ENPP2: variants seen among roughly 807,000 people sequenced by gnomAD.
The protein encoded by ENPP2 is autotaxin.
Under a neutral mutation model 120.2 loss-of-function variants are expected in ENPP2, and 51 were observed. The observed-to-expected ratio is 0.42, with a 90% CI of 0.34 to 0.54. The LOEUF (loss-of-function observed/expected upper bound fraction) is 0.54. Ranked by LOEUF, ENPP2 falls within the 20% of genes least tolerant of loss-of-function variation. The probability of loss-of-function intolerance (pLI) is 0.04; values close to 1 mark genes in which losing one functional copy is unlikely to be tolerated. For synonymous variants in ENPP2, 365 were observed against 366.4 expected (o/e 1.00, Z 0.04); for missense variants, 920 against 1,066.5 (o/e 0.86, Z 1.91).
intron 1 of ENPP2, among the ~76,000 whole-genome samples, chr8:119,661,094 C>T (rs900374834): frequency 1.3e-5 from 2 of 152,094 alleles, no homozygotes; most frequent in African/African-American, 4.8e-5. Context: ...CATGTTCTCA[C>T]TCCTAAATGA....
At chr8:119,661,474 C>A (rs1441066602) in intron 1 of ENPP2, among the ~76,000 whole-genome samples, 1 of 152,082 alleles carries the variant, frequency 6.6e-6, no homozygotes, top group Non-Finnish European at 1.5e-5. Flanking sequence ...TCACCTCGGA[C>A]CTGTTAGAAT....
chr8:119,645,122 A>G (rs978287935), intron 1 of ENPP2, among the ~76,000 whole-genome samples: 7 of 152,154 alleles, frequency 4.6e-5, no homozygotes, highest in Non-Finnish European at 1.0e-4. Context: ...AAAGAAATGG[A>G]GGTTCGAAGA....
At chr8:119,650,038 G>A (rs888706175) in intron 1 of ENPP2, among the ~76,000 whole-genome samples, 1 of 152,126 alleles carries the variant, frequency 6.6e-6, no homozygotes, top group African/African-American at 2.4e-5. Flanking sequence ...ATATACCCAA[G>A]AGGAAGTAAA....
intron 1 of ENPP2, among the ~76,000 whole-genome samples, chr8:119,656,457 A>G (rs911301065): frequency 9.2e-5 from 14 of 152,156 alleles, no homozygotes; most frequent in African/African-American, 3.4e-4. Flanking sequence ...AACAACTACC[A>G]TGTACCAAGA....
chr8:119,558,545 G>T (rs949569215), intron 24 of ENPP2, among the ~76,000 whole-genome samples: 1 of 152,110 alleles, frequency 6.6e-6, no homozygotes, highest in Non-Finnish European at 1.5e-5. Flanking sequence ...CAGATGTCCT[G>T]CATCAAACAA....
At chr8:119,616,002 ATATG>A (rs1287023583) in intron 8 of ENPP2, among the ~76,000 whole-genome samples, 1 of 151,936 alleles carries the variant, frequency 6.6e-6, no homozygotes, top group Non-Finnish European at 1.5e-5. Flanking sequence ...CTATGTGCAC[ATATG>A]TATGTACACA....
intron 3 of ENPP2, among the ~76,000 whole-genome samples, chr8:119,624,466 A>G (rs1050678339): frequency 6.6e-6 from 1 of 152,166 alleles, no homozygotes; most frequent in African/African-American, 2.4e-5. Context: ...ATAATTTAGT[A>G]ATGTATATTT....
intron 3 of ENPP2, among the ~76,000 whole-genome samples, chr8:119,625,621 A>G (rs1171557335): frequency 2.0e-5 from 3 of 152,202 alleles, no homozygotes; most frequent in Non-Finnish European, 4.4e-5. Flanking sequence ...CAAGGAAACC[A>G]TGGAAACTGC....
chr8:119,621,283 C>A, intron 4 of ENPP2, 111 bp downstream of exon 4: 1 of 914,450 alleles, frequency 1.1e-6, no homozygotes. Context: ...CAATTCATTC[C>A]TTCCTCCCAA....
At chr8:119,663,901 C>T (rs16892926) in intron 1 of ENPP2, among the ~76,000 whole-genome samples, 5,614 of 152,226 alleles carry the variant, frequency 0.037, 337 homozygotes, top group African/African-American at 0.13. Context: ...TGGAAAAACT[C>T]GAATATATCC....
chr8:119,578,173 C>T (rs1452620585), intron 19 of ENPP2, among the ~76,000 whole-genome samples: 4 of 152,160 alleles, frequency 2.6e-5, no homozygotes, highest in African/African-American at 9.7e-5. Flanking sequence ...GCCTCAGTCT[C>T]CCACGTAGCT....
intron 9 of ENPP2, among the ~76,000 whole-genome samples, chr8:119,604,631 G>C (rs946408570): frequency 2.0e-5 from 3 of 151,554 alleles, no homozygotes; most frequent in African/African-American, 4.8e-5. Context: ...ACTAGTAAAG[G>C]AGAGCAAATT....
chr8:119,601,529 G>T lies in ENPP2; in HGVS notation c.834-67C>A. On this transcript the variant is annotated intron_variant, in intron 9 of 24. Transcript: ENST00000075322. The stretch of plus-strand genomic sequence containing the variant: ...TTCCGCAAACTCAAGCCTGAGGAGT[G>T]CTCGCTCTTGCACCCAGGCCAAATG... 4 of 1,177,270 alleles carry T rather than the reference G, an allele frequency of 3.4e-6. No individual in the cohort carries two copies. The South Asian group carries it at 5.0e-5, about 15-fold the overall frequency. 72.9% of individuals were successfully genotyped at this position (1,177,270 alleles called of 1,614,324 possible).
chr8:119,577,087 C>T (rs1480431496), intron 19 of ENPP2, among the ~76,000 whole-genome samples: 1 of 152,144 alleles, frequency 6.6e-6, no homozygotes, highest in African/African-American at 2.4e-5. Flanking sequence ...ACAGATTTTA[C>T]AGCATATGCC....
rs775151214 is a variant in ENPP2 at position 119,595,869 on chromosome 8, G to A, written c.973-2009C>T. On this transcript the variant is annotated intron_variant, in intron 11 of 24. Coordinates refer to ENST00000075322, the MANE Select transcript of ENPP2 (RefSeq NM_001040092.3). ...TACTTTGTCCTGACGAGTTTCCGCA[G>A]CATAATGATCCATCCTATGTATTTT... 6.2e-6 allele frequency: 10 copies of A among 1,613,880 alleles called. No homozygotes were observed. In the East Asian group the frequency reaches 2.0e-4, roughly 32 times the overall value.
rs986659741 is a variant in ENPP2, at chr8:119,600,594, C to T, written c.972+84G>A. The stretch of plus-strand genomic sequence containing the variant: ...TTGTAGATACAAACATCCATCCAGA[C>T]TTTATACAATTCCTGAAATAAAGTC... On this transcript the variant is annotated intron_variant, in intron 11 of 24. Coordinates refer to ENST00000075322, the MANE Select transcript of ENPP2 (RefSeq NM_001040092.3). The T allele has an allele frequency of 9.0e-6, 8 of 886,984 alleles. No individual in the cohort carries two copies. In the Admixed American group the frequency reaches 1.4e-4, roughly 15 times the overall value. 54.9% of individuals were successfully genotyped at this position (886,984 alleles called of 1,614,324 possible). A position where few individuals can be genotyped will look rare whatever the true frequency, so the allele number is the denominator to read the frequency against.
chr8:119,651,882 C>A (rs929112112), intron 1 of ENPP2, among the ~76,000 whole-genome samples: 1 of 152,104 alleles, frequency 6.6e-6, no homozygotes, highest in African/African-American at 2.4e-5. Context: ...TGGTTCAATA[C>A]AGATTTAGTA....
At chr8:119,652,421 A>C (rs1817652734) in intron 1 of ENPP2, among the ~76,000 whole-genome samples, 1 of 152,166 alleles carries the variant, frequency 6.6e-6, no homozygotes, top group African/African-American at 2.4e-5. Context: ...CCCTCAATCT[A>C]TTCATCCCAC....
intron 24 of ENPP2, among the ~76,000 whole-genome samples, chr8:119,561,169 T>C (rs576884089): frequency 1.3e-5 from 2 of 152,236 alleles, no homozygotes; most frequent in African/African-American, 2.4e-5. Flanking sequence ...ACTTTCTAAT[T>C]TTCTTCTACA....
Sources: gnomAD v4.1 joint callset for allele counts (sites outside exome capture counted in the v4.1 genomes callset) on GRCh38, gnomAD v4.1.1 for gene constraint, MANE v1.5 for transcripts, NCBI Gene and HGNC (gene_info 2026-07-23, HGNC 2026-07-21) for gene names.